GABBR2: variants seen among roughly 807,000 people sequenced by gnomAD.
GABBR2 encodes gamma-aminobutyric acid type B receptor subunit 2, also known as G-protein coupled receptor 51.
GABBR2 carries 23 observed loss-of-function variants against 105.6 expected under a neutral mutation model. The ratio of observed to expected loss-of-function variants is 0.22; its 90% CI spans 0.16 to 0.31. The LOEUF (loss-of-function observed/expected upper bound fraction) is 0.31, where lower values mean the gene tolerates loss of function less well. Among genes scored for constraint, GABBR2 ranks in the 10% least tolerant of loss-of-function variants. The probability of loss-of-function intolerance (pLI) is 1.00; values close to 1 mark genes in which losing one functional copy is unlikely to be tolerated. For missense variants in GABBR2, 734 were observed against 1,245.5 expected, an observed-to-expected ratio of 0.59 and a Z score of 6.18; for synonymous variants, 478 against 499.7, an observed-to-expected ratio of 0.96 and a Z score of 0.58.
chr9:98,389,423 C>T (rs1034580699), intron 9 of GABBR2, among the ~76,000 whole-genome samples: 1 of 152,214 alleles, frequency 6.6e-6, no homozygotes, highest in African/African-American at 2.4e-5. Flanking sequence ...CCTAAACATA[C>T]ACAATAAATG....
At chr9:98,404,574 G>A (rs1832456414) in intron 8 of GABBR2, among the ~76,000 whole-genome samples, 1 of 152,100 alleles carries the variant, frequency 6.6e-6, no homozygotes, top group Non-Finnish European at 1.5e-5. Context: ...ACACTCGGCT[G>A]CTCAAGAACA....
intron 2 of GABBR2, among the ~76,000 whole-genome samples, chr9:98,556,810 T>G (rs1230313789): frequency 6.6e-6 from 1 of 152,140 alleles, no homozygotes; most frequent in Non-Finnish European, 1.5e-5. Flanking sequence ...TTTGGGAGGC[T>G]GAGGTGGGCG....
Position 98,290,515 on chromosome 9 carries a change from T to A in GABBR2, c.*69A>T. The A allele has an allele frequency of 8.9e-7, 1 of 1,125,674 alleles. No homozygotes were observed. Among genetic ancestry groups the A allele is most frequent in the Non-Finnish European group, 1.2e-6 (1 of 866,804 alleles). 69.7% of individuals were successfully genotyped at this position (1,125,674 alleles called of 1,614,324 possible). A position where few individuals can be genotyped will look rare whatever the true frequency, so the allele number is the denominator to read the frequency against. ...CTCCGCAGCCAGAGCCGACAGTGTT[T>A]CTGCAGCAGACCCCTCTGCCCAGTG... On this transcript the variant is annotated 3_prime_UTR_variant, in exon 19 of 19. Coordinates refer to ENST00000259455, the MANE Select transcript of GABBR2 (RefSeq NM_005458.8).
chr9:98,422,993 G>A (rs1254779809), intron 7 of GABBR2, among the ~76,000 whole-genome samples: 1 of 152,080 alleles, frequency 6.6e-6, no homozygotes, highest in Non-Finnish European at 1.5e-5. Context: ...TGCCACATTT[G>A]CTTAACCCAG....
chr9:98,550,247 A>C (rs1828465468), intron 2 of GABBR2, among the ~76,000 whole-genome samples: 1 of 152,238 alleles, frequency 6.6e-6, no homozygotes, highest in Non-Finnish European at 1.5e-5. Flanking sequence ...TTAGAGGTTA[A>C]AAAACTTGCC....
intron 2 of GABBR2, among the ~76,000 whole-genome samples, chr9:98,551,605 G>A (rs1828486816): frequency 6.6e-6 from 1 of 152,148 alleles, no homozygotes; most frequent in Non-Finnish European, 1.5e-5. Flanking sequence ...CCAGCAGCAT[G>A]GGGTGGGAAG....
rs116244300 is a variant in GABBR2, at chr9:98,648,900, C to G, written c.321+59517G>C. On this transcript the variant is annotated intron_variant, in intron 1 of 18. Transcript: ENST00000259455. ...CTACCTTTGGGATGACCTCACTGAA[C>G]TAATACCTGGTGATAATTCCCCAAT... Among the ~76,000 whole-genome samples the G allele has an allele frequency of 8.7e-3, 1,329 of 152,320 alleles. 20 individuals carry two copies. Among genetic ancestry groups the G allele is most frequent in the African/African-American group, 0.03 (1,244 of 41,572 alleles).
At chr9:98,405,564 C>G (rs1424892289) in intron 8 of GABBR2, among the ~76,000 whole-genome samples, 3 of 152,130 alleles carry the variant, frequency 2.0e-5, no homozygotes, top group Admixed American at 1.3e-4. Flanking sequence ...CACAGTTATC[C>G]CTAGGGATCC....
At chr9:98,353,916 TTGCCACCCTGTGAAGAAGGTGCC>T (rs1394965435) in intron 13 of GABBR2, among the ~76,000 whole-genome samples, 1 of 152,232 alleles carries the variant, frequency 6.6e-6, no homozygotes, top group Non-Finnish European at 1.5e-5. Flanking sequence ...TCACTCCATC[TTGCCACCCTGTGAAGAAGGTGCC>T]TGCTTCTCTT....
intron 6 of GABBR2, among the ~76,000 whole-genome samples, chr9:98,465,750 T>C (rs554600366): frequency 2.6e-5 from 4 of 152,242 alleles, no homozygotes. Context: ...TGATGCAAGG[T>C]TTTGTGGTAA....
chr9:98,513,188 A>G (rs967882238), intron 3 of GABBR2, among the ~76,000 whole-genome samples: 56 of 152,044 alleles, frequency 3.7e-4, no homozygotes, highest in Admixed American at 4.6e-4. Context: ...GGTGCTGGGA[A>G]AACTGGCTAG....
chr9:98,486,074 C>T (rs1346558481), intron 4 of GABBR2, among the ~76,000 whole-genome samples: 4 of 152,204 alleles, frequency 2.6e-5, no homozygotes, highest in Non-Finnish European at 5.9e-5. Flanking sequence ...TCCTGCTTCC[C>T]TCCCCTTCTC....
chr9:98,694,940 C>T (rs1295061750), intron 1 of GABBR2, among the ~76,000 whole-genome samples: 1 of 152,146 alleles, frequency 6.6e-6, no homozygotes, highest in Non-Finnish European at 1.5e-5. Flanking sequence ...CTGCCTCTAA[C>T]CTAAAAGATT....
chr9:98,568,330 G>C (rs2131770724), intron 2 of GABBR2, among the ~76,000 whole-genome samples: 1 of 152,318 alleles, frequency 6.6e-6, no homozygotes, highest in South Asian at 2.1e-4. Flanking sequence ...AGACAATGAT[G>C]ACACTGTGGT....
chr9:98,646,329 C>G (rs1830028643), intron 1 of GABBR2, among the ~76,000 whole-genome samples: 1 of 152,180 alleles, frequency 6.6e-6, no homozygotes, highest in African/African-American at 2.4e-5. Flanking sequence ...CACTGAGACT[C>G]TAATGAGCTT....
intron 1 of GABBR2, among the ~76,000 whole-genome samples, chr9:98,676,560 T>G (rs774799149): frequency 6.6e-6 from 1 of 152,236 alleles, no homozygotes; most frequent in South Asian, 2.1e-4. Flanking sequence ...CATCTTCAGC[T>G]TTAGGACAAG....
intron 7 of GABBR2, among the ~76,000 whole-genome samples, chr9:98,409,019 T>C (rs1043626785): frequency 3.9e-5 from 6 of 152,182 alleles, no homozygotes; most frequent in African/African-American, 4.8e-5. Context: ...AGCTGAGACC[T>C]ATCTGGAAAG....
intron 3 of GABBR2, among the ~76,000 whole-genome samples, chr9:98,508,317 T>C (rs1827556408): frequency 6.6e-6 from 1 of 152,146 alleles, no homozygotes; most frequent in Non-Finnish European, 1.5e-5. Flanking sequence ...ACAGCTCCGG[T>C]CTACAGTTCC....
At chr9:98,303,159 G>A in intron 16 of GABBR2, 82 bp downstream of exon 16, 1 of 1,131,982 alleles carries the variant, frequency 8.8e-7, no homozygotes, top group South Asian at 1.4e-5. Flanking sequence ...GGATGGTCTA[G>A]AGGAGCCTGA....
Sources: allele counts gnomAD v4.1 joint callset (sites outside exome capture counted in the v4.1 genomes callset), GRCh38; gene constraint gnomAD v4.1.1; transcripts MANE v1.5; gene names NCBI Gene and HGNC (gene_info 2026-07-23, HGNC 2026-07-21).